Variants in INPP4B observed in about 807,000 individuals in gnomAD.
INPP4B encodes inositol polyphosphate 4-phosphatase type II.
A neutral mutation model predicts 122.5 loss-of-function variants in INPP4B; 55 were observed. That is an observed-to-expected ratio of 0.45 (90% CI 0.36 to 0.56). INPP4B has a LOEUF of 0.56. Ranked by LOEUF, INPP4B falls within the 20% of genes least tolerant of loss-of-function variation. The pLI, the probability that INPP4B is intolerant of heterozygous loss-of-function variation, is 0.00. For synonymous variants in INPP4B, 403 were observed against 388.7 expected (o/e 1.04, Z -0.43); for missense variants, 1,000 against 1,097.7 (o/e 0.91, Z 1.26).
At chr4:142,808,894 C>A (rs1325537314) in intron 1 of INPP4B, among the ~76,000 whole-genome samples, 2 of 151,914 alleles carry the variant, frequency 1.3e-5, no homozygotes, top group Non-Finnish European at 2.9e-5. Context: ...ATATTGTTAT[C>A]CTAAATAATT....
chr4:142,582,415 C>T (rs77133631), intron 2 of INPP4B, among the ~76,000 whole-genome samples: 128 of 152,118 alleles, frequency 8.4e-4, no homozygotes, highest in African/African-American at 2.9e-3. Flanking sequence ...GGTAAAAACC[C>T]AGGTAACTAG....
chr4:142,618,874 AAAATAAAT>A (rs558966100), intron 2 of INPP4B, among the ~76,000 whole-genome samples: 9 of 151,542 alleles, frequency 5.9e-5, no homozygotes, highest in South Asian at 2.1e-4. Context: ...ACTCAATGGC[AAAATAAAT>A]AAATAAATAA....
At chr4:142,726,993 GAAC>G (rs1339697765) in intron 1 of INPP4B, among the ~76,000 whole-genome samples, 1 of 151,964 alleles carries the variant, frequency 6.6e-6, no homozygotes, top group African/African-American at 2.4e-5. Flanking sequence ...GTTCTTTAAA[GAAC>G]AACAACAAAA....
At chr4:142,242,835 T>G (rs1441703511) in intron 11 of INPP4B, among the ~76,000 whole-genome samples, 2 of 152,192 alleles carry the variant, frequency 1.3e-5, no homozygotes, top group South Asian at 4.1e-4. Context: ...ACTACAGTAG[T>G]CTGTTTAGTG....
At chr4:142,615,982 G>C (rs1050517546) in intron 2 of INPP4B, among the ~76,000 whole-genome samples, 1 of 152,104 alleles carries the variant, frequency 6.6e-6, no homozygotes, top group Non-Finnish European at 1.5e-5. Context: ...GACTTAAAGA[G>C]GGGCCATATG....
At chr4:142,820,085 C>T (rs1780614161) in intron 1 of INPP4B, among the ~76,000 whole-genome samples, 1 of 152,064 alleles carries the variant, frequency 6.6e-6, no homozygotes, top group African/African-American at 2.4e-5. Flanking sequence ...AAACAGTGTA[C>T]CTCCAGGTTA....
chr4:142,104,148 G>A (rs1785844704), intron 23 of INPP4B, among the ~76,000 whole-genome samples: 1 of 151,974 alleles, frequency 6.6e-6, no homozygotes, highest in Non-Finnish European at 1.5e-5. Flanking sequence ...ATTAGAGAAA[G>A]GACAGATAAT....
chr4:142,667,797 T>A (rs924280218), intron 2 of INPP4B, among the ~76,000 whole-genome samples: 1 of 152,094 alleles, frequency 6.6e-6, no homozygotes, highest in Non-Finnish European at 1.5e-5. Flanking sequence ...ATAGAAAGGA[T>A]TGGGTATAGA....
In INPP4B at chr4:142,720,013, T is replaced by G. The variant is rs150330109; in HGVS notation, c.-191+5826A>C. Among the ~76,000 whole-genome samples the G allele has an allele frequency of 2.5e-3, 377 of 152,202 alleles. 5 individuals carry two copies. The highest frequency in any genetic ancestry group is 0.018 in the East Asian group (95 of 5,166). The stretch of plus-strand genomic sequence containing the variant: ...AATACCCATCCAATGATGGCATAAA[T>G]GAATCATAAAGTATCAAAGCAGAAG... On this transcript the variant is annotated intron_variant, in intron 2 of 25. Coordinates refer to ENST00000262992, the MANE Select transcript of INPP4B (RefSeq NM_001101669.3).
intron 2 of INPP4B, among the ~76,000 whole-genome samples, chr4:142,704,607 C>T (rs1263954963): frequency 6.6e-6 from 1 of 152,172 alleles, no homozygotes; most frequent in Non-Finnish European, 1.5e-5. Context: ...ATTAATCTCC[C>T]TCCAATGCTC....
chr4:142,661,336 T>G (rs894782234), intron 2 of INPP4B, among the ~76,000 whole-genome samples: 1 of 152,152 alleles, frequency 6.6e-6, no homozygotes, highest in Admixed American at 6.5e-5. Flanking sequence ...TAAAATAAAT[T>G]TCAACATGCC....
intron 7 of INPP4B, among the ~76,000 whole-genome samples, chr4:142,327,424 G>C (rs28703308): frequency 0.026 from 3,903 of 151,484 alleles, 174 homozygotes; most frequent in African/African-American, 0.09. Context: ...AGCCTACAAA[G>C]TATGTATTTA....
rs531137818 is a variant in INPP4B at position 142,388,530 on chromosome 4, G to A, written c.372+14408C>T. Among the ~76,000 whole-genome samples the A allele has an allele frequency of 3.3e-4, 50 of 152,110 alleles. 2 individuals carry two copies. In the South Asian group the frequency reaches 0.01, roughly 31 times the overall value. On this transcript the variant is annotated intron_variant, in intron 7 of 25. Coordinates refer to ENST00000262992, the MANE Select transcript of INPP4B (RefSeq NM_001101669.3). ...GAGGAGGAGCCACAGAACCCATTTT[G>A]GGAAAAACCTGTTTTCCTCATGGAA...
intron 17 of INPP4B, among the ~76,000 whole-genome samples, chr4:142,156,195 T>G (rs1029218624): frequency 1.3e-5 from 2 of 151,964 alleles, no homozygotes; most frequent in African/African-American, 4.8e-5. Flanking sequence ...TTTGCTAGAA[T>G]GGATCAGAAT....
intron 2 of INPP4B, among the ~76,000 whole-genome samples, chr4:142,604,362 T>G (rs1740745123): frequency 6.6e-6 from 1 of 152,094 alleles, no homozygotes; most frequent in African/African-American, 2.4e-5. Context: ...ATCATAATAC[T>G]GTAAGTTCTA....
At chr4:142,402,825 A>G in intron 7 of INPP4B, 113 bp downstream of exon 7, 2 of 715,204 alleles carry the variant, frequency 2.8e-6, no homozygotes, top group Non-Finnish European at 2.5e-6. Context: ...ACATAAGACA[A>G]TCATGAACAC....
At position 142,152,239 on chromosome 4, in the gene INPP4B, T is replaced by C. The variant is rs1814547066; in HGVS notation, c.1564-6243A>G. ...ACAGGCGCCCACCACCACACCCGGC[T>C]AATTTTTTTGTATTTTTAGTAGAGA... On this transcript the variant is annotated intron_variant, in intron 17 of 25. Transcript: ENST00000262992. Among the ~76,000 whole-genome samples, 4 of 151,646 alleles carry C rather than the reference T, an allele frequency of 2.6e-5. No individual in the cohort carries two copies. In the South Asian group the frequency reaches 8.3e-4, roughly 32 times the overall value.
chr4:142,833,562 C>G (rs891139292), intron 1 of INPP4B, among the ~76,000 whole-genome samples: 1 of 151,166 alleles, frequency 6.6e-6, no homozygotes, highest in Non-Finnish European at 1.5e-5. Flanking sequence ...ATTACTATTA[C>G]AAATCTGTGA....
At chr4:142,782,807 C>T (rs564193576) in intron 1 of INPP4B, among the ~76,000 whole-genome samples, 1 of 152,074 alleles carries the variant, frequency 6.6e-6, no homozygotes, top group East Asian at 1.9e-4. Flanking sequence ...GTACTGGTAC[C>T]AAAACAGAGA....
Sources: allele counts gnomAD v4.1 joint callset (sites outside exome capture counted in the v4.1 genomes callset), GRCh38; gene constraint gnomAD v4.1.1; transcripts MANE v1.5; gene names NCBI Gene and HGNC (gene_info 2026-07-23, HGNC 2026-07-21).